FNBP1L: variants seen among roughly 807,000 people sequenced by gnomAD.
The protein encoded by FNBP1L is formin binding protein 1 like, also known as formin-binding protein 1-like.
FNBP1L carries 36 observed loss-of-function variants against 91.2 expected under a neutral mutation model. The ratio of observed to expected loss-of-function variants is 0.39; its 90% CI spans 0.30 to 0.52. The LOEUF (loss-of-function observed/expected upper bound fraction) is 0.52, where lower values mean the gene tolerates loss of function less well. FNBP1L is among the 20% of genes least tolerant of loss of function. The pLI, the probability that FNBP1L is intolerant of heterozygous loss-of-function variation, is 0.66. For missense variants in FNBP1L, 571 were observed against 732.1 expected, an observed-to-expected ratio of 0.78 and a Z score of 2.54; for synonymous variants, 242 against 237.0, an observed-to-expected ratio of 1.02 and a Z score of -0.19.
chr1:93,534,929 A>G (rs1237702335), intron 9 of FNBP1L, 21 bp downstream of exon 9: 6 of 1,550,620 alleles, frequency 3.9e-6, no homozygotes, highest in Admixed American at 2.0e-5. Flanking sequence ...TAAAATTCCT[A>G]TATGCTAATC....
In FNBP1L at chr1:93,473,791, A is replaced by G. The variant is rs115514702; in HGVS notation, c.24+25486A>G. On this transcript the variant is annotated intron_variant, in intron 1 of 16. Transcript: ENST00000271234. ...TGGTCTGTGGAGCCAGCAGTGGTGG[A>G]TGGTGCATTACCCTAGAGCTAGTAA... Among the ~76,000 whole-genome samples, 1,143 of 152,276 alleles carry G rather than the reference A, an allele frequency of 7.5e-3. 12 individuals carry two copies. The highest frequency in any genetic ancestry group is 0.026 in the African/African-American group (1,072 of 41,536).
rs1298347754 is a variant in FNBP1L, at chr1:93,552,656, A to G, written c.*240A>G. ...TATTCCCACAAAAGAAAAAGCCAAC[A>G]ATAGTGTACCATTTTTCTATTTATT... On this transcript the variant is annotated 3_prime_UTR_variant, in exon 17 of 17. Transcript: ENST00000271234. 1.9e-5 allele frequency: 8 copies of G among 413,488 alleles called. No individual in the cohort carries two copies. In the Admixed American group the frequency reaches 3.5e-4, roughly 18 times the overall value. 25.6% of individuals were successfully genotyped at this position (413,488 alleles called of 1,614,324 possible). A position where few individuals can be genotyped will look rare whatever the true frequency, so the allele number is the denominator to read the frequency against.
chr1:93,538,893 A>G (rs1211941568), intron 10 of FNBP1L, among the ~76,000 whole-genome samples: 1 of 152,014 alleles, frequency 6.6e-6, no homozygotes, highest in Non-Finnish European at 1.5e-5. Flanking sequence ...ACTCGTGTGT[A>G]CAGATCCCAG....
chr1:93,547,340 T>C lies in FNBP1L; in HGVS notation c.1408-7T>C, dbSNP rs754326521. On this transcript the variant is annotated splice_polypyrimidine_tract_variant and splice_region_variant and intron_variant, in intron 13 of 16. Coordinates refer to ENST00000271234, the MANE Select transcript of FNBP1L (RefSeq NM_001164473.3). ...AGCTCAGTTGTTTGCTTATTTTTTT[T>C]CCTAAGGCTTGGCTCTCTGAAGTCG... 6.4e-6 allele frequency: 10 copies of C among 1,551,938 alleles called. No individual in the cohort carries two copies. The highest frequency in any genetic ancestry group is 5.2e-6 in the Non-Finnish European group (6 of 1,146,472).
intron 2 of FNBP1L, among the ~76,000 whole-genome samples, chr1:93,505,295 C>G (rs1017667125): frequency 1.3e-5 from 2 of 151,956 alleles, no homozygotes; most frequent in Non-Finnish European, 2.9e-5. Flanking sequence ...TTTTTACTTC[C>G]TGCAGAAAGG....
intron 5 of FNBP1L, among the ~76,000 whole-genome samples, chr1:93,526,562 T>C (rs1671500968): frequency 6.6e-6 from 1 of 152,172 alleles, no homozygotes; most frequent in African/African-American, 2.4e-5. Flanking sequence ...CAGAATTAGA[T>C]TACTTACCTC....
intron 1 of FNBP1L, among the ~76,000 whole-genome samples, chr1:93,496,730 T>C (rs1670274083): frequency 6.6e-6 from 1 of 152,072 alleles, no homozygotes; most frequent in Non-Finnish European, 1.5e-5. Context: ...AGGGTCTTGC[T>C]GTGTTGCCCA....
At chr1:93,542,309 T>C (rs1570869426) in intron 11 of FNBP1L, among the ~76,000 whole-genome samples, 1 of 152,014 alleles carries the variant, frequency 6.6e-6, no homozygotes, top group East Asian at 1.9e-4. Flanking sequence ...AACTCCAAAG[T>C]AGATTAAATA....
At position 93,551,894 on chromosome 1, in the gene FNBP1L, T is replaced by G. The variant is rs41292647; in HGVS notation, c.1811-515T>G. On this transcript the variant is annotated intron_variant, in intron 16 of 16. Coordinates refer to ENST00000271234, the MANE Select transcript of FNBP1L (RefSeq NM_001164473.3). ...GAAAATATCTTTTGGGAAATACCAC[T>G]TTAGTGATTATTTAGCATTTAGCAG... is the stretch of plus-strand genomic sequence containing the variant. The G allele has an allele frequency of 4.7e-3, 4,679 of 985,452 alleles. 11 individuals carry two copies. The highest frequency in any genetic ancestry group is 5.4e-3 in the Non-Finnish European group (4,449 of 829,942). The allele number at this position is 985,452 out of a possible 1,614,324, so 61.0% of individuals were successfully genotyped here.
chr1:93,497,057 TTC>T (rs1383858238), intron 1 of FNBP1L, among the ~76,000 whole-genome samples: 4 of 151,994 alleles, frequency 2.6e-5, no homozygotes, highest in African/African-American at 4.8e-5. Flanking sequence ...ACCTACTGGG[TTC>T]ATGCCATTCC....
At chr1:93,484,012 T>G (rs1669809756) in intron 1 of FNBP1L, among the ~76,000 whole-genome samples, 1 of 152,228 alleles carries the variant, frequency 6.6e-6, no homozygotes, top group African/African-American at 2.4e-5. Context: ...CACCACAACT[T>G]CTGCCTCCTG....
Position 93,547,906 on chromosome 1 carries a change from C to G in FNBP1L, c.1502+465C>G, listed in dbSNP as rs368118271. 1.1e-3 allele frequency among the ~76,000 whole-genome samples: 162 copies of G among 152,194 alleles called. 6 individuals are homozygous for G. In the South Asian group the frequency reaches 0.033, roughly 31 times the overall value. ...ACATTTCTTTCTTGATGTATTATAT[C>G]TTTTTTTCCAGACTAAAAGTCCACA... On this transcript the variant is annotated intron_variant, in intron 14 of 16. Coordinates refer to ENST00000271234, the MANE Select transcript of FNBP1L (RefSeq NM_001164473.3).
At chr1:93,520,124 A>G (rs961745770) in intron 2 of FNBP1L, among the ~76,000 whole-genome samples, 3 of 152,080 alleles carry the variant, frequency 2.0e-5, no homozygotes, top group Non-Finnish European at 2.9e-5. Flanking sequence ...GTATATTACA[A>G]TTATTGGTAT....
chr1:93,524,429 TATTAATA>T, intron 5 of FNBP1L, 106 bp downstream of exon 5: 1 of 761,878 alleles, frequency 1.3e-6, no homozygotes, highest in Non-Finnish European at 1.9e-6. Context: ...CTCAGTGTAT[TATTAATA>T]ATTTGACATT....
At chr1:93,544,587 A>G (rs1388109030) in intron 12 of FNBP1L, among the ~76,000 whole-genome samples, 3 of 152,190 alleles carry the variant, frequency 2.0e-5, no homozygotes, top group African/African-American at 7.2e-5. Context: ...ACATTTGGCA[A>G]ACGGTGCTTG....
chr1:93,488,983 T>C (rs1306284740), intron 1 of FNBP1L, among the ~76,000 whole-genome samples: 1 of 152,150 alleles, frequency 6.6e-6, no homozygotes, highest in Non-Finnish European at 1.5e-5. Flanking sequence ...AGGAAAAGAA[T>C]AAGGTATGAG....
chr1:93,483,322 A>G (rs1487483871), intron 1 of FNBP1L, among the ~76,000 whole-genome samples: 1 of 152,192 alleles, frequency 6.6e-6, no homozygotes, highest in Non-Finnish European at 1.5e-5. Flanking sequence ...TGTGCCACTA[A>G]TGGTGCCTAG....
At chr1:93,461,875 A>G (rs1668878525) in intron 1 of FNBP1L, among the ~76,000 whole-genome samples, 1 of 152,220 alleles carries the variant, frequency 6.6e-6, no homozygotes, top group Admixed American at 6.5e-5. Context: ...TTAAGAAGAG[A>G]TGACATCTTA....
chr1:93,547,090 A>T lies in FNBP1L; in HGVS notation c.1407+116A>T, dbSNP rs1238385318. On this transcript the variant is annotated intron_variant, in intron 13 of 16. Transcript: ENST00000271234. ...TTTATATTTAATGTTAGGGTTTATG[A>T]TCTAAAAGTATTATTGTGATGTGTG... 7.4e-6 allele frequency: 9 copies of T among 1,221,292 alleles called. No homozygotes were observed. In the East Asian group the frequency reaches 2.3e-4, roughly 31 times the overall value. The allele number at this position is 1,221,292 out of a possible 1,614,324, so 75.7% of individuals were successfully genotyped here.
Sources: allele counts gnomAD v4.1 joint callset (sites outside exome capture counted in the v4.1 genomes callset), GRCh38; gene constraint gnomAD v4.1.1; transcripts MANE v1.5; gene names NCBI Gene and HGNC (gene_info 2026-07-23, HGNC 2026-07-21).